The following MEIKIN variants were observed in gnomAD, a reference collection of about 807,000 sequenced individuals.
MEIKIN encodes the protein meiotic kinetochore factor, also known as meiosis-specific kinetochore protein.
intron 11 of MEIKIN, among the ~76,000 whole-genome samples, chr5:131,846,915 AT>A (rs1750032067): frequency 6.6e-6 from 1 of 152,222 alleles, no homozygotes; most frequent in Non-Finnish European, 1.5e-5. Flanking sequence ...AAGTTTTTGT[AT>A]GTCATTGAAG....
chr5:131,903,436 G>C (rs1387812627), intron 8 of MEIKIN, among the ~76,000 whole-genome samples: 1 of 152,196 alleles, frequency 6.6e-6, no homozygotes, highest in Non-Finnish European at 1.5e-5. Flanking sequence ...AATCCCATTA[G>C]GCTAACAGCA....
chr5:131,836,055 T>C (rs937461142), intron 11 of MEIKIN, among the ~76,000 whole-genome samples: 1 of 152,152 alleles, frequency 6.6e-6, no homozygotes, highest in Non-Finnish European at 1.5e-5. Flanking sequence ...CCTCCCACTC[T>C]CCACCCTTTA....
At chr5:131,935,852 G>C (rs545224221) in intron 4 of MEIKIN, among the ~76,000 whole-genome samples, 1 of 152,044 alleles carries the variant, frequency 6.6e-6, no homozygotes, top group Admixed American at 6.6e-5. Flanking sequence ...TAAATTGACT[G>C]ACTCAATCTA....
chr5:131,866,307 A>T (rs954446799), intron 9 of MEIKIN, among the ~76,000 whole-genome samples: 2 of 152,164 alleles, frequency 1.3e-5, no homozygotes, highest in African/African-American at 4.8e-5. Context: ...CCAATGGTGT[A>T]CCGGGCTGGG....
At chr5:131,905,183 G>A (rs1751223699) in intron 8 of MEIKIN, among the ~76,000 whole-genome samples, 1 of 152,086 alleles carries the variant, frequency 6.6e-6, no homozygotes, top group Non-Finnish European at 1.5e-5. Flanking sequence ...TTAAAAACCT[G>A]CTCCTGAACG....
chr5:131,863,557 CTTTTTTTTTTT>C (rs59435888), intron 9 of MEIKIN, among the ~76,000 whole-genome samples: 2 of 68,430 alleles, frequency 2.9e-5, no homozygotes, highest in African/African-American at 1.6e-4. Context: ...CTTCTTTGTC[CTTTTTTTTTTT>C]TTTTTTTTTT....
At chr5:131,833,906 C>A (rs1749756114) in intron 11 of MEIKIN, among the ~76,000 whole-genome samples, 1 of 152,178 alleles carries the variant, frequency 6.6e-6, no homozygotes, top group Admixed American at 6.5e-5. Context: ...GTTTATCTTT[C>A]CTTTGTTTCT....
intron 9 of MEIKIN, among the ~76,000 whole-genome samples, chr5:131,878,418 T>C (rs1750650781): frequency 1.3e-5 from 2 of 151,908 alleles, no homozygotes. Flanking sequence ...ATACAAAAAA[T>C]TATCCAGGCC....
At chr5:131,867,976 A>G (rs1304224656) in intron 9 of MEIKIN, among the ~76,000 whole-genome samples, 2 of 152,222 alleles carry the variant, frequency 1.3e-5, no homozygotes, top group East Asian at 3.8e-4. Flanking sequence ...ATCATTTTGC[A>G]TTCTCAGCAG....
intron 11 of MEIKIN, among the ~76,000 whole-genome samples, chr5:131,845,354 T>C (rs1749999531): frequency 6.7e-6 from 1 of 149,500 alleles, no homozygotes; most frequent in African/African-American, 2.5e-5. Flanking sequence ...TACTACATTA[T>C]TATATTCAAA....
At chr5:131,887,069 A>G (rs1750811121) in intron 8 of MEIKIN, among the ~76,000 whole-genome samples, 1 of 151,544 alleles carries the variant, frequency 6.6e-6, no homozygotes. Flanking sequence ...CCTATAGGTA[A>G]GAACATGCGG....
At chr5:131,835,752 C>T (rs1395815338) in intron 11 of MEIKIN, among the ~76,000 whole-genome samples, 1 of 152,170 alleles carries the variant, frequency 6.6e-6, no homozygotes, top group African/African-American at 2.4e-5. Context: ...TGCCACCAGG[C>T]CTGGCTAATT....
Position 131,871,984 on chromosome 5 carries a change from A to G in MEIKIN, c.774+6994T>C, listed in dbSNP as rs537190804. The stretch of plus-strand genomic sequence containing the variant: ...AACAAACAGGAAGGACATCCACCCC[A>G]AAAACCCATCCGTACGTCACCATCA... On this transcript the variant is annotated intron_variant, in intron 9 of 12. Transcript: ENST00000442687. Among the ~76,000 whole-genome samples the G allele has an allele frequency of 2.6e-4, 40 of 152,262 alleles. No individual in the cohort carries two copies. In the South Asian group the frequency reaches 7.7e-3, roughly 29 times the overall value.
chr5:131,943,664 A>C (rs942101546), intron 3 of MEIKIN, among the ~76,000 whole-genome samples: 1 of 152,206 alleles, frequency 6.6e-6, no homozygotes, highest in Non-Finnish European at 1.5e-5. Context: ...ATATATAAAA[A>C]TTTTAAGAAA....
chr5:131,816,558 A>G (rs1773104784), intron 12 of MEIKIN, among the ~76,000 whole-genome samples: 1 of 152,222 alleles, frequency 6.6e-6, no homozygotes, highest in Non-Finnish European at 1.5e-5. Flanking sequence ...CTACAGCTCC[A>G]TAACTGTATA....
intron 5 of MEIKIN, among the ~76,000 whole-genome samples, chr5:131,932,410 C>T (rs1182266339): frequency 6.6e-6 from 1 of 152,232 alleles, no homozygotes; most frequent in African/African-American, 2.4e-5. Flanking sequence ...GACTGCTCCA[C>T]TCTGTAACTC....
intron 8 of MEIKIN, among the ~76,000 whole-genome samples, 199 bp from the exon 9 acceptor site, chr5:131,879,247 C>A (rs183321495): frequency 1.2e-3 from 181 of 152,266 alleles, no homozygotes; most frequent in African/African-American, 4.3e-3. Context: ...ATCTTAAGAG[C>A]TCCAGGTTTC....
intron 8 of MEIKIN, among the ~76,000 whole-genome samples, chr5:131,909,964 T>C (rs1751305648): frequency 6.6e-6 from 1 of 152,160 alleles, no homozygotes; most frequent in African/African-American, 2.4e-5. Context: ...TCGTATACTG[T>C]TGGTGGGAAT....
At chr5:131,872,144 C>T (rs111328148) in intron 9 of MEIKIN, among the ~76,000 whole-genome samples, 359 of 150,866 alleles carry the variant, frequency 2.4e-3, no homozygotes, top group Non-Finnish European at 3.6e-3. Flanking sequence ...CAAAGCTGGA[C>T]GGAGAATGAC....
Sources: allele counts gnomAD v4.1 joint callset (sites outside exome capture counted in the v4.1 genomes callset), GRCh38; gene constraint gnomAD v4.1.1; transcripts MANE v1.5; gene names NCBI Gene and HGNC (gene_info 2026-07-23, HGNC 2026-07-21).